KIRREL2: variants seen among roughly 807,000 people sequenced by gnomAD.
KIRREL2 encodes the protein kin of IRRE-like protein 2.
In KIRREL2, 56 loss-of-function variants were observed where a neutral mutation model predicts 73.4. The ratio of observed to expected loss-of-function variants is 0.76; its 90% CI spans 0.62 to 0.95. The LOEUF (loss-of-function observed/expected upper bound fraction) is 0.95. KIRREL2 is among the 40% of genes least tolerant of loss of function. KIRREL2 has a pLI of 0.00. For synonymous variants in KIRREL2, 407 were observed against 404.0 expected, an observed-to-expected ratio of 1.01 and a Z score of -0.09; for missense variants, 896 against 935.0, an observed-to-expected ratio of 0.96 and a Z score of 0.54.
chr19:35,858,748 C>A lies in KIRREL2; in HGVS notation c.406C>A (p.Leu136Met). 1 of 1,614,212 alleles carries A rather than the reference C, an allele frequency of 6.2e-7. No homozygotes were observed. The highest frequency in any genetic ancestry group is 2.2e-5 in the East Asian group (1 of 44,874). The stretch of plus-strand genomic sequence containing the variant: ...GGTGCTGGGCGGCCCCTCTGTGTCT[C>A]TGGTTGCTGGAGTTCCTGCGAACCT... Reference protein sequence around the residue: ...PQVLGGPSVSLVAGVPANLTC... With the variant: ...PQVLGGPSVSMVAGVPANLTC... The change falls in exon 4 of 15, where the codon CTG (leucine) becomes ATG (methionine). Residue 136 changes from leucine to methionine, a missense_variant. Coordinates refer to ENST00000360202, the MANE Select transcript of KIRREL2 (RefSeq NM_199180.4).
Position 35,860,917 on chromosome 19 carries a change from A to G in KIRREL2, c.937A>G (p.Ile313Val). The G allele has an allele frequency of 3.7e-6, 6 of 1,613,808 alleles. No individual in the cohort carries two copies. Among genetic ancestry groups the G allele is most frequent in the Non-Finnish European group, 5.1e-6 (6 of 1,179,928 alleles). Residue 313 changes from isoleucine (I) to valine (V), a missense_variant, in exon 8 of 15, where the codon ATT (isoleucine) becomes GTT (valine). Transcript: ENST00000360202. The part of the protein sequence containing the change: ...STALDVLFGP[I>V]LQAKPEPVSV... Reference sequence around the variant, plus strand: ...TAGTCTCTTTCGTCCAGTTGGGCCGATTCTGCAGGCAAAGCCGGAGCCCGT... The same window carrying G: ...TAGTCTCTTTCGTCCAGTTGGGCCGGTTCTGCAGGCAAAGCCGGAGCCCGT...
In KIRREL2 at chr19:35,858,716, C is replaced by G. The variant is rs1406258752; in HGVS notation, c.374C>G (p.Ala125Gly). ...ATCCACCTTGCAGTCCCCCCAGAAGCCCCCCAGGTGCTGGGCGGCCCCTCT... is the reference window on the plus strand; with the variant it reads ...ATCCACCTTGCAGTCCCCCCAGAAGGCCCCCAGGTGCTGGGCGGCCCCTCT... ...AQLHVLVPPE[A>G]PQVLGGPSVS... The change falls in exon 4 of 15, where the codon GCC becomes GGC. Residue 125 changes from alanine to glycine, a missense_variant. Transcript: ENST00000360202. The G allele has an allele frequency of 6.2e-7, 1 of 1,614,006 alleles. No individual in the cohort carries two copies. The highest frequency in any genetic ancestry group is 1.7e-5 in the Admixed American group (1 of 60,020).
chr19:35,857,267 G>T, intron 1 of KIRREL2, 78 bp from the exon 2 acceptor site: 2 of 1,606,946 alleles, frequency 1.2e-6, no homozygotes, highest in South Asian at 2.2e-5. Context: ...AGGGAGCTGG[G>T]GGCTGGGACT....
Position 35,860,396 on chromosome 19 carries a change from G to T in KIRREL2, c.773G>T (p.Gly258Val), listed in dbSNP as rs987060312. 1.9e-6 allele frequency: 3 copies of T among 1,612,902 alleles called. No homozygotes were observed. Among genetic ancestry groups the T allele is most frequent in the Admixed American group, 3.3e-5 (2 of 59,986 alleles). The change falls in exon 6 of 15, where the codon GGC becomes GTC. Residue 258 changes from glycine (G) to valine (V), a missense_variant. Physicochemically the swap from Gly to Val is moderately radical, Grantham distance 109. Coordinates refer to ENST00000360202, the MANE Select transcript of KIRREL2 (RefSeq NM_199180.4). ...CQATAQPPVT[G>V]YRWAKGGSPV... ...GCCACAGCCCAGCCTCCTGTCACAG[G>T]CTACAGGTGAGGACGAAGACCCACC...
At chr19:35,860,694 G>T (rs752490255) in intron 7 of KIRREL2, 27 bp downstream of exon 7, 2 of 1,599,330 alleles carry the variant, frequency 1.3e-6, no homozygotes, top group South Asian at 2.2e-5. Context: ...CTGTGGGTGT[G>T]GTCAAAGGTG....
chr19:35,859,743 G>A, intron 5 of KIRREL2, 112 bp downstream of exon 5: 3 of 1,253,364 alleles, frequency 2.4e-6, no homozygotes, highest in Non-Finnish European at 2.2e-6. Flanking sequence ...TGGACTCCTG[G>A]ATCTAAGATA....
At chr19:35,865,533 G>C (rs1973930725) in intron 14 of KIRREL2, among the ~76,000 whole-genome samples, 2 of 152,112 alleles carry the variant, frequency 1.3e-5, no homozygotes, top group South Asian at 4.1e-4. Context: ...TCCAGTCTCA[G>C]CTCAGACATT....
At chr19:35,865,492 C>A (rs1281453093) in intron 14 of KIRREL2, among the ~76,000 whole-genome samples, 1 of 152,190 alleles carries the variant, frequency 6.6e-6, no homozygotes, top group Non-Finnish European at 1.5e-5. Flanking sequence ...TACCTTCCTT[C>A]CCATGTCTAC....
At chr19:35,856,910 C>T (rs1973443639), upstream of KIRREL2, 15 of 659,674 alleles carry the variant, frequency 2.3e-5, no homozygotes, top group Admixed American at 3.4e-4. This position sits in a 1 kb window ranked among gnomAD's most constrained non-coding sequence, Gnocchi z 5.9. Context: ...TGGGGTCTCC[C>T]AGAGACCCAG....
At chr19:35,853,427 C>G (rs1035542766), upstream of KIRREL2, among the ~76,000 whole-genome samples, 1 of 152,230 alleles carries the variant, frequency 6.6e-6, no homozygotes, top group African/African-American at 2.4e-5. Context: ...TTTCTTCTCC[C>G]TCTTTTTCTT....
chr19:35,860,407 G>C lies in KIRREL2; in HGVS notation c.779+5G>C. ...GCCTCCTGTCACAGGCTACAGGTGA[G>C]GACGAAGACCCACCTCTCCCCAGCC... On this transcript the variant is annotated splice_donor_5th_base_variant and intron_variant, in intron 6 of 14. Coordinates refer to ENST00000360202, the MANE Select transcript of KIRREL2 (RefSeq NM_199180.4). 6.2e-7 allele frequency: 1 copy of C among 1,612,240 alleles called. No homozygotes were observed. The highest frequency in any genetic ancestry group is 8.5e-7 in the Non-Finnish European group (1 of 1,179,866).
rs374457243 is a variant in KIRREL2, at chr19:35,860,316, G to C, written c.693G>C (p.Leu231=). 7 of 1,614,048 alleles carry C rather than the reference G, an allele frequency of 4.3e-6. No homozygotes were observed. The highest frequency in any genetic ancestry group is 5.1e-6 in the Non-Finnish European group (6 of 1,180,006). The change falls in exon 6 of 15, where the codon CTG becomes CTC. Residue 231 remains leucine (L), a synonymous_variant. Transcript: ENST00000360202. The stretch of plus-strand genomic sequence containing the variant: ...TCACAGACCCCCCAGAGGTGACTCT[G>C]TCTGCTTCGCCACACACTGTGCAGG... ...LSLQYPPEVT[L]SASPHTVQEG...
Position 35,861,162 on chromosome 19 carries a change from G to C in KIRREL2, c.1097G>C (p.Gly366Ala). 1 of 1,590,784 alleles carries C rather than the reference G, an allele frequency of 6.3e-7. No individual in the cohort carries two copies. Among genetic ancestry groups the C allele is most frequent in the South Asian group, 1.1e-5 (1 of 89,232 alleles). Reference sequence around the variant, plus strand: ...GCCACACTGCGTCTTCCGTCGGTGGGGCCCGAGGACGCAGGCGACTATGTG... The same window carrying C: ...GCCACACTGCGTCTTCCGTCGGTGGCGCCCGAGGACGCAGGCGACTATGTG... ...SGATLRLPSV[G>A]PEDAGDYVCR... The change falls in exon 9 of 15, where the codon GGG becomes GCG. Residue 366 changes from glycine (G) to alanine (A), a missense_variant. Gly to Ala is a moderately conservative substitution (Grantham distance 60). Transcript: ENST00000360202.
At chr19:35,865,336 A>C (rs1288996589) in intron 14 of KIRREL2, among the ~76,000 whole-genome samples, 1 of 151,894 alleles carries the variant, frequency 6.6e-6, no homozygotes, top group Admixed American at 6.6e-5. Context: ...TTTTTAGTAG[A>C]GATGGAGTTT....
At chr19:35,851,750 C>T (rs774351568), upstream of KIRREL2, 71 of 1,556,640 alleles carry the variant, frequency 4.6e-5, no homozygotes, top group Non-Finnish European at 5.6e-5. Flanking sequence ...GGCCACTTGG[C>T]GCTGGGTACA....
Position 35,860,356 on chromosome 19 carries a change from AT to A in KIRREL2, c.737del (p.Phe246SerfsTer31), listed in dbSNP as rs780786617. The A allele has an allele frequency of 1.2e-6, 2 of 1,613,928 alleles. No individual in the cohort carries two copies. Among genetic ancestry groups the A allele is most frequent in the South Asian group, 2.2e-5 (2 of 91,080 alleles). On this transcript the variant is annotated frameshift_variant, in exon 6 of 15. Transcript: ENST00000360202. LOFTEE classifies it high-confidence loss of function. ...PHTVQEGEKVIFLCQATAQPP... is the reference protein window; with the variant it reads ...PHTVQEGEKVXFLCQATAQPP... ...CACTGTGCAGGAGGGAGAGAAGGTC[AT>A]TTTCCTGTGCCAGGCCACAGCCCAG...
At chr19:35,864,445 C>A (rs913473456) in intron 13 of KIRREL2, among the ~76,000 whole-genome samples, 2 of 152,116 alleles carry the variant, frequency 1.3e-5, no homozygotes, top group African/African-American at 4.8e-5. Flanking sequence ...CTGCTGCGGC[C>A]TCCCAAAGTG....
intron 12 of KIRREL2, 73 bp from the exon 13 acceptor site, chr19:35,862,854 C>A: frequency 1.1e-6 from 1 of 916,984 alleles, no homozygotes. Context: ...CCAGTCCTCT[C>A]TCTTCCCGCT....
intron 14 of KIRREL2, 87 bp downstream of exon 14, chr19:35,864,800 T>C: frequency 3.9e-6 from 4 of 1,031,328 alleles, no homozygotes; most frequent in Non-Finnish European, 4.4e-6. Flanking sequence ...CCCACGCCTG[T>C]CCCCTCCTTT....
Sources: gnomAD v4.1 joint callset for allele counts (sites outside exome capture counted in the v4.1 genomes callset) on GRCh38, gnomAD v4.1.1 for gene constraint, Gnocchi (gnomAD v3.1) non-coding constraint, MANE v1.5 for transcripts, NCBI Gene and HGNC (gene_info 2026-07-23, HGNC 2026-07-21) for gene names.